The following FLOT2 variants were observed in gnomAD, a reference collection of about 807,000 sequenced individuals.
FLOT2 encodes flotillin-2.
FLOT2 carries 35 observed loss-of-function variants against 54.9 expected under a neutral mutation model. That is an observed-to-expected ratio of 0.64 (90% confidence interval 0.49 to 0.84). The LOEUF is 0.84. Ranked by LOEUF, FLOT2 falls within the 40% of genes least tolerant of loss-of-function variation. FLOT2 has a pLI of 0.00. For missense variants in FLOT2, 464 were observed against 572.1 expected (o/e 0.81, Z 1.93); for synonymous variants, 207 against 228.9 (o/e 0.90, Z 0.86).
intron 2 of FLOT2, 141 bp downstream of exon 2, chr17:28,888,804 A>ACCC: frequency 1.0e-5 from 3 of 299,912 alleles, no homozygotes; most frequent in Non-Finnish European, 2.1e-5. Context: ...AGTCCCCCCC[A>ACCC]ACCCCACCCC....
chr17:28,886,066 G>GCC, intron 2 of FLOT2: 2 of 588,914 alleles, frequency 3.4e-6, no homozygotes, highest in East Asian at 3.0e-5. Context: ...GGCGGGGGGG[G>GCC]GCATGCTGTC....
chr17:28,897,276 G>C lies in FLOT2; in HGVS notation c.49+250C>G, dbSNP rs2039758384. Among the ~76,000 whole-genome samples the C allele has an allele frequency of 2.0e-5, 3 of 152,348 alleles. No individual in the cohort carries two copies. Among genetic ancestry groups the C allele is most frequent in the Non-Finnish European group, 2.9e-5 (2 of 68,008 alleles). ...GCGGCGGGGAGGCCCGCCTAGGGAG[G>C]GGGAGGAGAAGCAAATAAACACAGG... On this transcript the variant is annotated intron_variant, in intron 1 of 10. Coordinates refer to ENST00000394908, the MANE Select transcript of FLOT2 (RefSeq NM_004475.3). The surrounding 1 kb of genome is among the most constrained non-coding windows in gnomAD (Gnocchi z 4.4).
intron 1 of FLOT2, chr17:28,892,403 G>C (rs2039666920): frequency 6.7e-6 from 1 of 150,082 alleles, no homozygotes; most frequent in Non-Finnish European, 1.5e-5. Flanking sequence ...CTGTCGCCCA[G>C]GCTGGAGTGC....
intron 1 of FLOT2, among the ~76,000 whole-genome samples, chr17:28,894,616 CTTTTTTTTTT>C (rs34266130): frequency 6.3e-5 from 3 of 47,376 alleles, no homozygotes; most frequent in Non-Finnish European, 8.1e-5. Flanking sequence ...AGAGCAAGAC[CTTTTTTTTTT>C]TTTTTTTTTT....
Position 28,880,747 on chromosome 17 carries a change from G to A in FLOT2, c.1214C>T (p.Ser405Phe). ...VNRLLAELPA[S>F]VHALTGVDLS... ...GTCCACGCCTGTGAGGGCATGCACA[G>A]AGGCAGGCAGCTCGGCCAGCAGTCG... Residue 405 changes from serine (S) to phenylalanine (F), a missense_variant, in exon 10 of 11, where the codon TCT becomes TTT. Physicochemically the swap from Ser to Phe is radical, Grantham distance 155. Coordinates refer to ENST00000394908, the MANE Select transcript of FLOT2 (RefSeq NM_004475.3). 2 of 1,614,250 alleles carry A rather than the reference G, an allele frequency of 1.2e-6. No homozygotes were observed. Among genetic ancestry groups the A allele is most frequent in the South Asian group, 2.2e-5 (2 of 91,092 alleles).
In FLOT2 at chr17:28,882,599, T is replaced by C; in HGVS notation, c.439A>G (p.Ile147Val). ...TTGATGGTGAAGCTGAGGATCTCAA[T>C]GCCCATGCGGCCAACATCAGGGGCT... is the stretch of plus-strand genomic sequence containing the variant. ...VAAPDVGRMGIEILSFTIKDV... is the reference protein window; with the variant it reads ...VAAPDVGRMGVEILSFTIKDV... Residue 147 changes from isoleucine to valine, a missense_variant, in exon 5 of 11, where the codon ATT (isoleucine) becomes GTT (valine). Coordinates refer to ENST00000394908, the MANE Select transcript of FLOT2 (RefSeq NM_004475.3). This position sits in a 1 kb window ranked among gnomAD's most constrained non-coding sequence, Gnocchi z 5.6. 6.2e-7 allele frequency: 1 copy of C among 1,612,988 alleles called. No individual in the cohort carries two copies. The highest frequency in any genetic ancestry group is 2.2e-5 in the East Asian group (1 of 44,882).
Position 28,881,895 on chromosome 17 carries a change from G to A in FLOT2, c.833C>T (p.Thr278Met), listed in dbSNP as rs373284292. The A allele has an allele frequency of 2.0e-5, 32 of 1,613,686 alleles. No homozygotes were observed. The highest frequency in any genetic ancestry group is 4.5e-5 in the East Asian group (2 of 44,898). Residue 278 changes from threonine to methionine, a missense_variant, in exon 8 of 11, where the codon ACG becomes ATG. Transcript: ENST00000394908. ...CACTGTAGCGATGAGCTCCTTGTCC[G>A]TACGCAGGATCTCCTGTGCCTCCAC... is the stretch of plus-strand genomic sequence containing the variant. ...IAVEAQEILRTDKELIATVRR... is the reference protein window; with the variant it reads ...IAVEAQEILRMDKELIATVRR...
At chr17:28,895,826 G>A (rs2039731912) in intron 1 of FLOT2, among the ~76,000 whole-genome samples, 1 of 152,216 alleles carries the variant, frequency 6.6e-6, no homozygotes, top group South Asian at 2.1e-4. Context: ...TAGATAATAA[G>A]AAAGGATGGA....
rs2039766763 is a variant in FLOT2, at chr17:28,897,628, C to G, written c.-54G>C. 3.4e-6 allele frequency: 5 copies of G among 1,467,912 alleles called. No individual in the cohort carries two copies. In the African/African-American group the frequency reaches 4.4e-5, roughly 13 times the overall value. 90.9% of individuals were successfully genotyped at this position (1,467,912 alleles called of 1,614,324 possible). On this transcript the variant is annotated 5_prime_UTR_variant, in exon 1 of 11. Coordinates refer to ENST00000394908, the MANE Select transcript of FLOT2 (RefSeq NM_004475.3). This position sits in a 1 kb window ranked among gnomAD's most constrained non-coding sequence, Gnocchi z 4.4. Reference sequence around the variant, plus strand: ...ACCGCACAGACCCGGACAACAGCAGCGGGTCTGCAGCGCCGGCCGCGCCCA... The same window carrying G: ...ACCGCACAGACCCGGACAACAGCAGGGGGTCTGCAGCGCCGGCCGCGCCCA...
intron 2 of FLOT2, among the ~76,000 whole-genome samples, chr17:28,886,651 C>T (rs1334713447): frequency 6.6e-6 from 1 of 152,188 alleles, no homozygotes; most frequent in Non-Finnish European, 1.5e-5. Context: ...CTGGCCCATC[C>T]TGGCTGGGCC....
intron 1 of FLOT2, among the ~76,000 whole-genome samples, chr17:28,895,078 ATT>A (rs759106657): frequency 1.4e-5 from 2 of 142,118 alleles, no homozygotes; most frequent in African/African-American, 2.6e-5. Flanking sequence ...CTCCTGGCTA[ATT>A]TTTTTTTTTT....
rs373752468 is a variant in FLOT2 at position 28,880,485 on chromosome 17, C to T, written c.*76G>A. Reference sequence around the variant, plus strand: ...AAGGCACCAGAGTCAGTAACGTTCCCGTTGTTCTGTGGGATTAAAACGGGT... The same window carrying T: ...AAGGCACCAGAGTCAGTAACGTTCCTGTTGTTCTGTGGGATTAAAACGGGT... On this transcript the variant is annotated 3_prime_UTR_variant, in exon 11 of 11. Coordinates refer to ENST00000394908, the MANE Select transcript of FLOT2 (RefSeq NM_004475.3). 166 of 1,572,534 alleles carry T rather than the reference C, an allele frequency of 1.1e-4. No homozygotes were observed. Among genetic ancestry groups the T allele is most frequent in the Non-Finnish European group, 1.3e-4 (153 of 1,158,936 alleles).
In FLOT2 at chr17:28,881,068, T is replaced by C. The variant is rs917321463; in HGVS notation, c.1098+124A>G. 7 of 1,062,984 alleles carry C rather than the reference T, an allele frequency of 6.6e-6. No individual in the cohort carries two copies. The South Asian group carries it at 1.1e-4, about 16-fold the overall frequency. 65.8% of individuals were successfully genotyped at this position (1,062,984 alleles called of 1,614,324 possible). On this transcript the variant is annotated intron_variant, in intron 9 of 10. Transcript: ENST00000394908. ...TCCTGCCCCCTGCTGAGGATGCTCCTCATTTAACCCTTCTAGCCATCTGTC... is the reference window on the plus strand; with the variant it reads ...TCCTGCCCCCTGCTGAGGATGCTCCCCATTTAACCCTTCTAGCCATCTGTC...
At chr17:28,889,048 C>G (rs371590425) in intron 1 of FLOT2, 22 bp from the exon 2 acceptor site, 1 of 1,609,874 alleles carries the variant, frequency 6.2e-7, no homozygotes, top group Non-Finnish European at 8.5e-7. Context: ...AGCAAACCAC[C>G]GCAAGTCAGT....
chr17:28,894,649 C>T (rs1467268570), intron 1 of FLOT2, among the ~76,000 whole-genome samples: 15 of 99,566 alleles, frequency 1.5e-4, no homozygotes, highest in African/African-American at 5.7e-4. Context: ...TTTTTAAATA[C>T]TGAGTGTGGT....
chr17:28,893,697 C>T (rs1050200678), intron 1 of FLOT2, among the ~76,000 whole-genome samples: 2 of 152,196 alleles, frequency 1.3e-5, no homozygotes, highest in African/African-American at 4.8e-5. Flanking sequence ...GCGCCAGGCC[C>T]GAAACCAGGC....
chr17:28,880,612 G>C lies in FLOT2; in HGVS notation c.1249-13C>G, dbSNP rs1257584175. ...TGATCAGGGGTATCTGCAAGGATGG[G>C]AGATGCCATGAGACCTTGGCTCCAG... On this transcript the variant is annotated splice_polypyrimidine_tract_variant and intron_variant, in intron 10 of 10. Coordinates refer to ENST00000394908, the MANE Select transcript of FLOT2 (RefSeq NM_004475.3). 5.0e-6 allele frequency: 8 copies of C among 1,614,014 alleles called. No individual in the cohort carries two copies. Among genetic ancestry groups the C allele is most frequent in the Non-Finnish European group, 6.8e-6 (8 of 1,179,958 alleles).
Position 28,885,918 on chromosome 17 carries a change from C to T in FLOT2, c.132-1603G>A, listed in dbSNP as rs1277811119. 4 of 1,550,438 alleles carry T rather than the reference C, an allele frequency of 2.6e-6. No individual in the cohort carries two copies. In the South Asian group the frequency reaches 3.6e-5, roughly 14 times the overall value. ...CGACGTCTCAATATTCTCACAGCGA[C>T]ACAGGATGGTCATAACCTCCAGAGA... On this transcript the variant is annotated intron_variant, in intron 2 of 10. Transcript: ENST00000394908.
At position 28,882,767 on chromosome 17, in the gene FLOT2, G is replaced by T; in HGVS notation, c.347-76C>A. 1 of 972,436 alleles carries T rather than the reference G, an allele frequency of 1.0e-6. No individual in the cohort carries two copies. The highest frequency in any genetic ancestry group is 1.3e-5 in the South Asian group (1 of 75,074). The allele number at this position is 972,436 out of a possible 1,614,324, so 60.2% of individuals were successfully genotyped here. A position where few individuals can be genotyped will look rare whatever the true frequency, so the allele number is the denominator to read the frequency against. ...GGAAGGGAGGAGGCATGCATGTAGA[G>T]GTAGGGGTGCATGCGGGGTGCTGCA... On this transcript the variant is annotated intron_variant, in intron 4 of 10. Transcript: ENST00000394908. The surrounding 1 kb of genome is among the most constrained non-coding windows in gnomAD (Gnocchi z 5.6).
Sources: allele counts gnomAD v4.1 joint callset (sites outside exome capture counted in the v4.1 genomes callset), GRCh38; gene constraint gnomAD v4.1.1; non-coding constraint Gnocchi (gnomAD v3.1); transcripts MANE v1.5; gene names NCBI Gene and HGNC (gene_info 2026-07-23, HGNC 2026-07-21).